The following FBXW8 variants were observed in gnomAD, a reference collection of about 807,000 sequenced individuals.
FBXW8 encodes F-box/WD repeat-containing protein 8.
Under a neutral mutation model 65.3 loss-of-function variants are expected in FBXW8, and 57 were observed. The ratio of observed to expected loss-of-function variants is 0.87; its 90% CI spans 0.71 to 1.09. The LOEUF is 1.09. Among genes scored for constraint, FBXW8 ranks in the 50% least tolerant of loss-of-function variants. The pLI, the probability that FBXW8 is intolerant of heterozygous loss-of-function variation, is 0.00. For synonymous variants in FBXW8, 308 were observed against 330.2 expected (o/e 0.93, Z 0.73); for missense variants, 777 against 814.8 (o/e 0.95, Z 0.57).
intron 4 of FBXW8, among the ~76,000 whole-genome samples, chr12:116,963,061 G>A (rs1884080615): frequency 6.6e-6 from 1 of 152,140 alleles, no homozygotes; most frequent in Admixed American, 6.6e-5. Context: ...TTTACTGGAG[G>A]ATCAGTGGTC....
chr12:117,003,020 G>C (rs1309727411), intron 7 of FBXW8: 1 of 152,172 alleles, frequency 6.6e-6, no homozygotes, highest in Non-Finnish European at 1.5e-5. Context: ...AAGATGTATA[G>C]GACTTTTTCT....
chr12:116,978,481 C>G (rs1218877463), intron 5 of FBXW8: 2 of 152,176 alleles, frequency 1.3e-5, no homozygotes, highest in Non-Finnish European at 2.9e-5. Context: ...TTCTGATAGG[C>G]AAGTGTTTAT....
chr12:116,937,313 T>C (rs904604747), intron 2 of FBXW8, among the ~76,000 whole-genome samples: 5 of 152,130 alleles, frequency 3.3e-5, no homozygotes, highest in Non-Finnish European at 7.4e-5. Context: ...ACATTGATGG[T>C]ATTTAAGGCC....
intron 7 of FBXW8, among the ~76,000 whole-genome samples, chr12:116,999,665 TG>T (rs1012688530): frequency 1.3e-5 from 2 of 152,124 alleles, no homozygotes; most frequent in African/African-American, 4.8e-5. Flanking sequence ...GCGAGGAGCA[TG>T]GGTAAGGCCC....
intron 5 of FBXW8, among the ~76,000 whole-genome samples, chr12:116,981,324 C>G (rs764036751): frequency 5.3e-5 from 8 of 152,214 alleles, no homozygotes; most frequent in Non-Finnish European, 1.0e-4. Context: ...TCCAACAATA[C>G]AGTTCAAAGG....
intron 7 of FBXW8, among the ~76,000 whole-genome samples, chr12:117,006,500 G>A (rs1171976979): frequency 2.6e-5 from 4 of 152,198 alleles, no homozygotes; most frequent in East Asian, 1.9e-4. Context: ...TGGATGCTGC[G>A]GGGCCCGCCT....
chr12:116,937,661 G>A (rs1882258654), intron 2 of FBXW8, among the ~76,000 whole-genome samples: 1 of 152,176 alleles, frequency 6.6e-6, no homozygotes, highest in Non-Finnish European at 1.5e-5. Flanking sequence ...AAAAGCTAGT[G>A]GCTCAGGAGC....
rs1256444161 is a variant in FBXW8 at position 117,029,840 on chromosome 12, G to A, written c.*1668G>A. 1.3e-5 allele frequency: 2 copies of A among 151,640 alleles called. No individual in the cohort carries two copies. The highest frequency in any genetic ancestry group is 1.3e-4 in the Admixed American group (2 of 15,210). The allele number at this position is 151,640 out of a possible 1,614,324, so 9.4% of individuals were successfully genotyped here. A position where few individuals can be genotyped will look rare whatever the true frequency, so the allele number is the denominator to read the frequency against. On this transcript the variant is annotated 3_prime_UTR_variant, in exon 11 of 11. Coordinates refer to ENST00000652555, the MANE Select transcript of FBXW8 (RefSeq NM_153348.3). ...TTGGCCAGGCTGGTCTCAAACTTCTGACCTCAAATGATTGCCTGCCTCAGC... is the reference window on the plus strand; with the variant it reads ...TTGGCCAGGCTGGTCTCAAACTTCTAACCTCAAATGATTGCCTGCCTCAGC...
intron 9 of FBXW8, among the ~76,000 whole-genome samples, chr12:117,027,040 G>C (rs1290825095): frequency 6.6e-6 from 1 of 152,200 alleles, no homozygotes; most frequent in African/African-American, 2.4e-5. Flanking sequence ...GAAAGCTCAA[G>C]GGACTTGCCC....
At chr12:116,987,245 G>C (rs1353450483) in intron 6 of FBXW8, 1 of 152,316 alleles carries the variant, frequency 6.6e-6, no homozygotes, top group Non-Finnish European at 1.5e-5. Context: ...GTGTTCTGGA[G>C]GCCGGCTTTG....
In FBXW8 at chr12:116,936,947, G is replaced by C. The variant is rs1344951272; in HGVS notation, c.424-8417G>C. ...TTAAAAAGGGACCATTTGGGCTGCT[G>C]TGTGGAGAATCGGTTGTTGGGGGAC... On this transcript the variant is annotated intron_variant, in intron 2 of 10. Transcript: ENST00000652555. This position sits in a 1 kb window ranked among gnomAD's most constrained non-coding sequence, Gnocchi z 4.6. Among the ~76,000 whole-genome samples the C allele has an allele frequency of 1.3e-5, 2 of 152,180 alleles. No individual in the cohort carries two copies. Among genetic ancestry groups the C allele is most frequent in the Non-Finnish European group, 2.9e-5 (2 of 68,016 alleles).
chr12:117,027,937 T>A, intron 10 of FBXW8, 91 bp from the exon 11 acceptor site: 1 of 1,544,028 alleles, frequency 6.5e-7, no homozygotes, highest in Non-Finnish European at 8.8e-7. Flanking sequence ...CTATCTGGTC[T>A]CAGGCGAACG....
intron 10 of FBXW8, 128 bp from the exon 11 acceptor site, chr12:117,027,898 CCA>C: frequency 1.6e-6 from 2 of 1,249,198 alleles, no homozygotes; most frequent in Non-Finnish European, 2.2e-6. Context: ...CGCTGTGTGC[CCA>C]GAGAACGCGT....
Position 117,029,136 on chromosome 12 carries a change from A to G in FBXW8, c.*964A>G, listed in dbSNP as rs1286853747. 2 of 152,212 alleles carry G rather than the reference A, an allele frequency of 1.3e-5. No homozygotes were observed. Among genetic ancestry groups the G allele is most frequent in the South Asian group, 4.1e-4 (2 of 4,832 alleles). The allele number at this position is 152,212 out of a possible 1,614,324, so 9.4% of individuals were successfully genotyped here. On this transcript the variant is annotated 3_prime_UTR_variant, in exon 11 of 11. Transcript: ENST00000652555. ...CCAGTAGATGCGTATGGAATTTCAA[A>G]TACACATAGACGATGCACAAAAAAC...
At position 116,949,724 on chromosome 12, in the gene FBXW8, C is replaced by A; in HGVS notation, c.677+18C>A. 6.2e-7 allele frequency: 1 copy of A among 1,610,116 alleles called. No homozygotes were observed. The highest frequency in any genetic ancestry group is 1.1e-5 in the South Asian group (1 of 91,000). On this transcript the variant is annotated intron_variant, in intron 4 of 10. Coordinates refer to ENST00000652555, the MANE Select transcript of FBXW8 (RefSeq NM_153348.3). ...ATTGCGGGGTAAGCCAAACCGTTTCCACTGAGTGCTCTGCATCTGAAGGTC... is the reference window on the plus strand; with the variant it reads ...ATTGCGGGGTAAGCCAAACCGTTTCAACTGAGTGCTCTGCATCTGAAGGTC...
chr12:116,939,540 A>C (rs140788681), intron 2 of FBXW8, among the ~76,000 whole-genome samples: 2 of 152,330 alleles, frequency 1.3e-5, no homozygotes, highest in African/African-American at 4.8e-5. Context: ...CTTTTGGTCC[A>C]TGTAATTAAA....
At chr12:117,006,654 C>T (rs1453986581) in intron 7 of FBXW8, among the ~76,000 whole-genome samples, 1 of 152,206 alleles carries the variant, frequency 6.6e-6, no homozygotes, top group African/African-American at 2.4e-5. Flanking sequence ...CTCAGAGAGG[C>T]AGGCCCCGTC....
At chr12:116,992,228 G>A (rs2135681070) in intron 7 of FBXW8, among the ~76,000 whole-genome samples, 1 of 152,220 alleles carries the variant, frequency 6.6e-6, no homozygotes, top group South Asian at 2.1e-4. Flanking sequence ...TCCAGCTCGG[G>A]TAGGAAGGGA....
At position 116,922,415 on chromosome 12, in the gene FBXW8, A is replaced by G. The variant is rs569917697; in HGVS notation, c.319-5608A>G. The stretch of plus-strand genomic sequence containing the variant: ...TAGATTTAGTAAAAATGTTATTGCA[A>G]ATCTCTTCTTTGAACTCAAGGTGCT... On this transcript the variant is annotated intron_variant, in intron 1 of 10. Coordinates refer to ENST00000652555, the MANE Select transcript of FBXW8 (RefSeq NM_153348.3). Among the ~76,000 whole-genome samples, 24 of 152,272 alleles carry G rather than the reference A, an allele frequency of 1.6e-4. No homozygotes were observed. The South Asian group carries it at 1.9e-3, about 12-fold the overall frequency.
Sources: allele counts gnomAD v4.1 joint callset (sites outside exome capture counted in the v4.1 genomes callset), GRCh38; gene constraint gnomAD v4.1.1; non-coding constraint Gnocchi (gnomAD v3.1); transcripts MANE v1.5; gene names NCBI Gene and HGNC (gene_info 2026-07-23, HGNC 2026-07-21).